The following TOM1L2 variants were observed in gnomAD, a reference collection of about 807,000 sequenced individuals.
The protein encoded by TOM1L2 is target of myb1 like 2 membrane trafficking protein, also known as TOM1-like protein 2.
A neutral mutation model predicts 67.9 loss-of-function variants in TOM1L2; 31 were observed. That is an observed-to-expected ratio of 0.46 (90% CI 0.34 to 0.62). The LOEUF (loss-of-function observed/expected upper bound fraction) is 0.62. TOM1L2 is among the 20% of genes least tolerant of loss of function. The probability of loss-of-function intolerance (pLI) is 0.01; values close to 1 mark genes in which losing one functional copy is unlikely to be tolerated. For missense variants in TOM1L2, 606 were observed against 663.5 expected (o/e 0.91, Z 0.95); for synonymous variants, 256 against 254.0 (o/e 1.01, Z -0.07).
In TOM1L2 at chr17:17,850,800, T is replaced by C. The variant is rs561108779; in HGVS notation, c.1338+93A>G. ...CCTTCTCCACTGACCCAGACAGGGGTGGAGCCCCTGCTGATGCTCCCCCAA... is the reference window on the plus strand; with the variant it reads ...CCTTCTCCACTGACCCAGACAGGGGCGGAGCCCCTGCTGATGCTCCCCCAA... On this transcript the variant is annotated intron_variant, in intron 13 of 14. Transcript: ENST00000379504. 86 of 1,346,768 alleles carry C rather than the reference T, an allele frequency of 6.4e-5. No individual in the cohort carries two copies. In the South Asian group the frequency reaches 8.9e-4, roughly 14 times the overall value. The allele number at this position is 1,346,768 out of a possible 1,614,324, so 83.4% of individuals were successfully genotyped here. A position where few individuals can be genotyped will look rare whatever the true frequency, so the allele number is the denominator to read the frequency against.
intron 3 of TOM1L2, among the ~76,000 whole-genome samples, chr17:17,894,886 G>A (rs568037264): frequency 1.3e-5 from 2 of 152,132 alleles, no homozygotes; most frequent in Admixed American, 1.3e-4. Flanking sequence ...AGCTAAGATC[G>A]CGCCATTGCA....
chr17:17,876,499 CT>C (rs1411280490), intron 7 of TOM1L2, among the ~76,000 whole-genome samples: 3 of 152,218 alleles, frequency 2.0e-5, no homozygotes, highest in Non-Finnish European at 2.9e-5. Flanking sequence ...AGGAATTAGT[CT>C]TGTTCTAGTG....
chr17:17,968,358 G>A (rs1405134554), intron 1 of TOM1L2, among the ~76,000 whole-genome samples: 1 of 152,148 alleles, frequency 6.6e-6, no homozygotes, highest in Non-Finnish European at 1.5e-5. Context: ...ACTAAAAGTT[G>A]AAGTCAGTTA....
intron 1 of TOM1L2, among the ~76,000 whole-genome samples, chr17:17,935,432 T>C (rs2040479954): frequency 6.6e-6 from 1 of 152,220 alleles, no homozygotes. Context: ...AACCTCTTCC[T>C]CCAAATCTGA....
chr17:17,946,294 C>A (rs916479809), intron 1 of TOM1L2, among the ~76,000 whole-genome samples: 2 of 152,032 alleles, frequency 1.3e-5, no homozygotes, highest in African/African-American at 4.8e-5. Context: ...GTTGTGCAAC[C>A]ATCACCACTA....
rs560032272 is a variant in TOM1L2, at chr17:17,880,223, T to C, written c.661-480A>G. 6.4e-4 allele frequency among the ~76,000 whole-genome samples: 98 copies of C among 152,298 alleles called. No homozygotes were observed. In the South Asian group the frequency reaches 7.9e-3, roughly 12 times the overall value. On this transcript the variant is annotated intron_variant, in intron 6 of 14. Coordinates refer to ENST00000379504, the MANE Select transcript of TOM1L2 (RefSeq NM_001082968.2). ...TCCTAGGAGTTTTACATCTAAACAC[T>C]AGGATCCCTCTGAGAGGCTGGGCAG...
Position 17,882,924 on chromosome 17 carries a change from A to G in TOM1L2, c.502-61T>C, listed in dbSNP as rs148983790. ...GGCTGCCTGCATAGCTGGACCTGGT[A>G]CCTACCCCACCCCATGCAGCACTTC... On this transcript the variant is annotated intron_variant, in intron 5 of 14. Coordinates refer to ENST00000379504, the MANE Select transcript of TOM1L2 (RefSeq NM_001082968.2). 2.3e-5 allele frequency: 36 copies of G among 1,591,254 alleles called. No homozygotes were observed. The Middle Eastern group carries it at 6.0e-4, about 26-fold the overall frequency.
intron 1 of TOM1L2, among the ~76,000 whole-genome samples, chr17:17,912,669 G>A (rs2039440209): frequency 6.6e-6 from 1 of 151,270 alleles, no homozygotes; most frequent in Non-Finnish European, 1.5e-5. Flanking sequence ...AGGTGGGATG[G>A]CGGCCGGACG....
At position 17,897,382 on chromosome 17, in the gene TOM1L2, G is replaced by C. The variant is rs539768958; in HGVS notation, c.216+1214C>G. Among the ~76,000 whole-genome samples, 3 of 152,204 alleles carry C rather than the reference G, an allele frequency of 2.0e-5. No individual in the cohort carries two copies. The South Asian group carries it at 6.2e-4, about 32-fold the overall frequency. On this transcript the variant is annotated intron_variant, in intron 3 of 14. Coordinates refer to ENST00000379504, the MANE Select transcript of TOM1L2 (RefSeq NM_001082968.2). ...CTCTCTTAATAAGTTTTGGGGTTTC[G>C]CTTGGGCAAAAAATCCAAACAGGTT...
chr17:17,898,458 G>T, intron 3 of TOM1L2, 138 bp downstream of exon 3: 1 of 815,144 alleles, frequency 1.2e-6, no homozygotes. Flanking sequence ...AGAAGGCTTT[G>T]CTGGACTCCA....
chr17:17,916,733 T>C (rs867094551), intron 1 of TOM1L2, among the ~76,000 whole-genome samples: 2 of 152,206 alleles, frequency 1.3e-5, no homozygotes, highest in Non-Finnish European at 2.9e-5. Flanking sequence ...TTTTTAAAGG[T>C]TGTTTAGGGC....
At chr17:17,961,796 C>T (rs1173486954) in intron 1 of TOM1L2, among the ~76,000 whole-genome samples, 8 of 149,444 alleles carry the variant, frequency 5.4e-5, no homozygotes, top group African/African-American at 7.4e-5. Flanking sequence ...GGCGTGAACC[C>T]GGGAGGTGGA....
intron 12 of TOM1L2, among the ~76,000 whole-genome samples, chr17:17,853,258 C>A (rs540055823): frequency 1.3e-5 from 2 of 152,200 alleles, no homozygotes; most frequent in Admixed American, 6.5e-5. Context: ...CCCACACTAG[C>A]GGTTAGAGTG....
intron 1 of TOM1L2, among the ~76,000 whole-genome samples, chr17:17,942,333 T>C (rs1183304243): frequency 1.3e-5 from 2 of 152,200 alleles, no homozygotes; most frequent in Non-Finnish European, 2.9e-5. Context: ...CAGGCAGACC[T>C]GGGCTCAAAC....
At chr17:17,855,264 G>A (rs2036198930) in intron 12 of TOM1L2, among the ~76,000 whole-genome samples, 1 of 152,186 alleles carries the variant, frequency 6.6e-6, no homozygotes, top group Admixed American at 6.5e-5. Context: ...GTACTCCAGG[G>A]GTTAGGATTA....
At chr17:17,871,030 G>A (rs2037123279) in intron 7 of TOM1L2, among the ~76,000 whole-genome samples, 1 of 152,218 alleles carries the variant, frequency 6.6e-6, no homozygotes, top group African/African-American at 2.4e-5. Context: ...CACATGGGAG[G>A]CTCTCCCCAA....
intron 1 of TOM1L2, among the ~76,000 whole-genome samples, chr17:17,943,463 A>G (rs886598684): frequency 1.2e-4 from 18 of 152,200 alleles, no homozygotes; most frequent in African/African-American, 4.3e-4. Context: ...CAAGGTAACA[A>G]CACTTGGGTA....
intron 12 of TOM1L2, among the ~76,000 whole-genome samples, chr17:17,853,025 G>A (rs187899529): frequency 1.4e-3 from 206 of 152,280 alleles, no homozygotes; most frequent in Middle Eastern, 0.01. Context: ...CCTAAGGCTG[G>A]CACTTCCTTG....
At chr17:17,940,463 C>T (rs2040688184) in intron 1 of TOM1L2, among the ~76,000 whole-genome samples, 1 of 152,126 alleles carries the variant, frequency 6.6e-6, no homozygotes, top group Admixed American at 6.5e-5. Context: ...TCAGAGTCAG[C>T]ACTGCCCCCA....
Sources: gnomAD v4.1 joint callset for allele counts (sites outside exome capture counted in the v4.1 genomes callset) on GRCh38, gnomAD v4.1.1 for gene constraint, MANE v1.5 for transcripts, NCBI Gene and HGNC (gene_info 2026-07-23, HGNC 2026-07-21) for gene names.